BCL2L11: variants seen among roughly 807,000 people sequenced by gnomAD.
The protein encoded by BCL2L11 is BCL2 like 11.
BCL2L11 carries 15 observed loss-of-function variants against 20.6 expected under a neutral mutation model. The observed-to-expected ratio is 0.73, with a 90% CI of 0.49 to 1.12. BCL2L11 has a LOEUF of 1.12. Ranked by LOEUF, BCL2L11 falls within the 50% of genes most tolerant of loss-of-function variation. The pLI, the probability that BCL2L11 is intolerant of heterozygous loss-of-function variation, is 0.00. For missense variants in BCL2L11, 292 were observed against 260.9 expected (o/e 1.12, Z -0.82); for synonymous variants, 108 against 92.8 (o/e 1.16, Z -0.94).
At chr2:111,124,569 C>G (rs918071788) in intron 2 of BCL2L11, among the ~76,000 whole-genome samples, 2 of 152,192 alleles carry the variant, frequency 1.3e-5, no homozygotes, top group Non-Finnish European at 2.9e-5. Flanking sequence ...GGATTACAGG[C>G]GTGAGCCACC....
chr2:111,158,377 C>G (rs2078144505), intron 3 of BCL2L11, among the ~76,000 whole-genome samples: 1 of 152,146 alleles, frequency 6.6e-6, no homozygotes, highest in Non-Finnish European at 1.5e-5. Context: ...TGGGTATTCT[C>G]AGGCTCCTGG....
intron 1 of BCL2L11, chr2:111,122,834 G>C (rs961161982): frequency 2.1e-5 from 21 of 985,416 alleles, no homozygotes; most frequent in Non-Finnish European, 2.4e-5. Context: ...GTGACGGTCA[G>C]GGGGCGCCCG....
At chr2:111,140,295 T>C (rs1164659660) in intron 2 of BCL2L11, among the ~76,000 whole-genome samples, 1 of 152,208 alleles carries the variant, frequency 6.6e-6, no homozygotes, top group African/African-American at 2.4e-5. Context: ...TAAGAGTGTG[T>C]GTGTTAAATG....
rs1028971069 is a variant in BCL2L11, at chr2:111,167,669, C to G, written c.*3438C>G. The stretch of plus-strand genomic sequence containing the variant: ...CTAAGGACCACCTCAGGCCACTAAC[C>G]CCTTGTGGACAACTGTGAGTAGCTG... On this transcript the variant is annotated 3_prime_UTR_variant, in exon 4 of 4. Transcript: ENST00000393256. 7 of 152,274 alleles carry G rather than the reference C, an allele frequency of 4.6e-5. No individual in the cohort carries two copies. Among genetic ancestry groups the G allele is most frequent in the African/African-American group, 1.7e-4 (7 of 41,448 alleles). The allele number at this position is 152,274 out of a possible 1,614,324, so 9.4% of individuals were successfully genotyped here.
intron 2 of BCL2L11, chr2:111,131,207 T>G (rs2073880761): frequency 1.3e-5 from 1 of 74,748 alleles, no homozygotes; most frequent in Admixed American, 1.7e-4. Context: ...GAGATTTTTT[T>G]TTTGGCGGGG....
At position 111,156,558 on chromosome 2, in the gene BCL2L11, T is replaced by A. The variant is rs367844666; in HGVS notation, c.498+6411T>A. Among the ~76,000 whole-genome samples the A allele has an allele frequency of 7.4e-4, 112 of 152,370 alleles. 1 individual carries two copies. Among genetic ancestry groups the A allele is most frequent in the African/African-American group, 2.5e-3 (106 of 41,588 alleles). ...ACAATGGCCAGAGGTGATGAGCTCC[T>A]TGGTTCTTCCCCTCAGACTTTTGGG... On this transcript the variant is annotated intron_variant, in intron 3 of 3. Transcript: ENST00000393256.
At chr2:111,143,190 G>A (rs973644476) in intron 2 of BCL2L11, among the ~76,000 whole-genome samples, 2 of 152,152 alleles carry the variant, frequency 1.3e-5, no homozygotes, top group African/African-American at 4.8e-5. Context: ...TGTGGCTGTC[G>A]CAGAGACTTA....
intron 2 of BCL2L11, among the ~76,000 whole-genome samples, chr2:111,135,015 G>A (rs1027944845): frequency 6.6e-6 from 1 of 152,192 alleles, no homozygotes; most frequent in African/African-American, 2.4e-5. Context: ...GGTGCACTCA[G>A]CATCTTGAAT....
At chr2:111,147,229 G>A (rs2150466162) in intron 2 of BCL2L11, among the ~76,000 whole-genome samples, 1 of 152,172 alleles carries the variant, frequency 6.6e-6, no homozygotes, top group African/African-American at 2.4e-5. Context: ...GGGCTCCAGA[G>A]CATTGCCATG....
intron 2 of BCL2L11, chr2:111,130,285 A>G: frequency 3.7e-6 from 1 of 272,356 alleles, no homozygotes; most frequent in South Asian, 2.8e-5. Context: ...TTGTATTTTT[A>G]TTAGAGATGG....
intron 3 of BCL2L11, among the ~76,000 whole-genome samples, chr2:111,155,558 C>A (rs1167069564): frequency 6.6e-6 from 1 of 152,152 alleles, no homozygotes; most frequent in Non-Finnish European, 1.5e-5. Context: ...ACCAACATGC[C>A]TCCCTCTTTC....
At position 111,123,799 on chromosome 2, in the gene BCL2L11, A is replaced by G. The variant is rs140468882; in HGVS notation, c.54A>G (p.Gln18=). The change falls in exon 2 of 4, where the codon CAA becomes CAG. Residue 18 remains glutamine (Q), a synonymous_variant. Transcript: ENST00000393256. The stretch of plus-strand genomic sequence containing the variant: ...CTGAGTGTGACCGAGAAGGTAGACA[A>G]TTGCAGCCTGCGGAGAGGCCTCCCC... ...VSSECDREGR[Q]LQPAERPPQL... is the part of the protein sequence containing the mutation. 6.1e-6 allele frequency: 9 copies of G among 1,480,806 alleles called. No individual in the cohort carries two copies. The highest frequency in any genetic ancestry group is 1.4e-5 in the South Asian group (1 of 68,976). 91.7% of individuals were successfully genotyped at this position (1,480,806 alleles called of 1,614,324 possible). A position where few individuals can be genotyped will look rare whatever the true frequency, so the allele number is the denominator to read the frequency against.
intron 2 of BCL2L11, among the ~76,000 whole-genome samples, chr2:111,138,035 G>C (rs1373383169): frequency 2.3e-5 from 3 of 128,348 alleles, no homozygotes; most frequent in Non-Finnish European, 4.7e-5. Flanking sequence ...TTTTGAGATA[G>C]AATCTTACTG....
chr2:111,122,674 C>A (rs2071369291), intron 1 of BCL2L11: 26 of 982,552 alleles, frequency 2.6e-5, no homozygotes, highest in Non-Finnish European at 3.0e-5. Context: ...GCGGCTGCGG[C>A]CGGGGCAGCG....
At chr2:111,151,783 A>C in intron 3 of BCL2L11, 1 of 1,466,088 alleles carries the variant, frequency 6.8e-7, no homozygotes, top group Non-Finnish European at 9.3e-7. Flanking sequence ...GAAGTGTGAC[A>C]TTGATGGACT....
chr2:111,164,112 G>C, intron 3 of BCL2L11, 21 bp from the exon 4 acceptor site: 1 of 851,288 alleles, frequency 1.2e-6, no homozygotes, highest in Non-Finnish European at 1.8e-6. Flanking sequence ...AAACTAAGAA[G>C]CTTTCCTTTT....
At chr2:111,160,910 A>G (rs1160233799) in intron 3 of BCL2L11, among the ~76,000 whole-genome samples, 1 of 152,232 alleles carries the variant, frequency 6.6e-6, no homozygotes, top group African/African-American at 2.4e-5. Flanking sequence ...TTAGTCAGCT[A>G]GGGCTGCTGT....
At chr2:111,150,020 T>G (rs1357405875) in intron 2 of BCL2L11, 24 bp from the exon 3 acceptor site, 3 of 1,595,978 alleles carry the variant, frequency 1.9e-6, no homozygotes, top group Non-Finnish European at 2.6e-6. Context: ...AATGTGATTT[T>G]TGTTTTGTTT....
Position 111,123,913 on chromosome 2 carries a change from C to T in BCL2L11, c.168C>T (p.Pro56=), listed in dbSNP as rs1463030886. ...ACGGAGGTGAAGGGGACAGCTGCCC[C>T]CACGGCAGCCCTCAGGGCCCGCTGG... is the stretch of plus-strand genomic sequence containing the variant. The part of the protein sequence containing the change: ...GNHGGEGDSC[P]HGSPQGPLAP... The change falls in exon 2 of 4, where the codon CCC becomes CCT. Residue 56 remains proline (P), a synonymous_variant. Transcript: ENST00000393256. The T allele has an allele frequency of 1.2e-6, 2 of 1,613,288 alleles. No individual in the cohort carries two copies. The highest frequency in any genetic ancestry group is 1.1e-5 in the South Asian group (1 of 91,012).
Sources: gnomAD v4.1 joint callset for allele counts (sites outside exome capture counted in the v4.1 genomes callset) on GRCh38, gnomAD v4.1.1 for gene constraint, MANE v1.5 for transcripts, NCBI Gene and HGNC (gene_info 2026-07-23, HGNC 2026-07-21) for gene names.